Variants in TENM2 observed in about 807,000 individuals in gnomAD.
TENM2 encodes teneurin transmembrane protein 2.
In TENM2, 52 loss-of-function variants were observed where a neutral mutation model predicts 245.2. The ratio of observed to expected loss-of-function variants is 0.21; its 90% CI spans 0.17 to 0.27. The LOEUF (loss-of-function observed/expected upper bound fraction) is 0.27, where lower values mean the gene tolerates loss of function less well. TENM2 is among the 10% of genes least tolerant of loss of function. The pLI is 1.00. For missense variants in TENM2, 3,046 were observed against 3,666.8 expected (o/e 0.83, Z 4.37); for synonymous variants, 1,363 against 1,438.9 (o/e 0.95, Z 1.19).
In TENM2 at chr5:168,112,611, G is replaced by GT. The variant is rs1554199714; in HGVS notation, c.1814-5681_1814-5680insT. 3.1e-5 allele frequency among the ~76,000 whole-genome samples: 4 copies of GT among 129,144 alleles called. 1 individual carries two copies. The highest frequency in any genetic ancestry group is 1.1e-4 in the African/African-American group (4 of 34,854). 84.7% of individuals were successfully genotyped at this position (129,144 alleles called of 152,430 possible). A position where few individuals can be genotyped will look rare whatever the true frequency, so the allele number is the denominator to read the frequency against. On this transcript the variant is annotated intron_variant, in intron 9 of 28. Transcript: ENST00000518659. ...TGAATACAGTGTGCAGTGGGCGGGGGGGGGGTCAAACTTTATTACTTTTCT... is the reference window on the plus strand; with the variant it reads ...TGAATACAGTGTGCAGTGGGCGGGGGTGGGGGTCAAACTTTATTACTTTTCT...
the TENM2 span, among the ~76,000 whole-genome samples, chr5:167,255,073 C>CTTTTTTTTTTTTTT: frequency 1.6e-5 from 2 of 125,526 alleles, no homozygotes; most frequent in Non-Finnish European, 3.5e-5. Context: ...CTTTTCTTTT[C>CTTTTTTTTTTTTTT]TTTTTTTTTT....
chr5:167,775,424 T>C (rs950946051), intron 2 of TENM2, among the ~76,000 whole-genome samples: 4 of 152,214 alleles, frequency 2.6e-5, no homozygotes, highest in African/African-American at 9.6e-5. Flanking sequence ...GTCTCCAAAC[T>C]GCTGGTAATG....
chr5:168,216,962 G>GC, intron 22 of TENM2, 40 bp downstream of exon 24: 1 of 1,606,238 alleles, frequency 6.2e-7, no homozygotes, highest in Non-Finnish European at 8.5e-7. Flanking sequence ...AGCAACACCT[G>GC]CCCCTTGGCC....
In TENM2 at chr5:167,971,927, G is replaced by A. The variant is rs146062151; in HGVS notation, c.947+19105G>A. ...GCCAGCGCCTTCCACTATAAATGCC[G>A]GAGTGGGGCTGGAAGGCAGGCCTCT... On this transcript the variant is annotated intron_variant, in intron 4 of 28. Coordinates refer to ENST00000518659, the Ensembl canonical transcript of TENM2. Among the ~76,000 whole-genome samples the A allele has an allele frequency of 3.1e-3, 477 of 152,258 alleles. 2 individuals carry two copies. Among genetic ancestry groups the A allele is most frequent in the South Asian group, 0.022 (107 of 4,814 alleles).
chr5:167,917,957 GTGT>G (rs1166938826), intron 3 of TENM2, among the ~76,000 whole-genome samples: 1 of 152,068 alleles, frequency 6.6e-6, no homozygotes, highest in Non-Finnish European at 1.5e-5. Flanking sequence ...TTATTGGTTA[GTGT>G]TATTATTATA....
intron 2 of TENM2, among the ~76,000 whole-genome samples, chr5:167,776,641 CTATATA>C (rs10522774): frequency 0.78 from 90,322 of 115,560 alleles, 37,443 homozygotes; most frequent in Non-Finnish European, 0.88. Context: ...ATATATGTAT[CTATATA>C]TATATATATA....
chr5:167,493,607 G>A (rs1268689048), intron 2 of TENM2, among the ~76,000 whole-genome samples: 3 of 152,110 alleles, frequency 2.0e-5, no homozygotes, highest in Non-Finnish European at 4.4e-5. Flanking sequence ...AACAGTGAAT[G>A]AATGAAAGTA....
At chr5:167,405,658 G>A (rs977767569) in intron 2 of TENM2, among the ~76,000 whole-genome samples, 4 of 151,620 alleles carry the variant, frequency 2.6e-5, no homozygotes, top group Non-Finnish European at 5.9e-5. Context: ...AAAGCTCCAT[G>A]AGAACTGTTT....
At chr5:167,838,873 G>A (rs905909290) in intron 2 of TENM2, among the ~76,000 whole-genome samples, 17 of 152,204 alleles carry the variant, frequency 1.1e-4, no homozygotes, top group Admixed American at 3.9e-4. Context: ...CTTCTTTGAG[G>A]AAGTGTGGCT....
At chr5:168,253,301 A>C (rs1767303695) in intron 27 of TENM2, among the ~76,000 whole-genome samples, 1 of 151,820 alleles carries the variant, frequency 6.6e-6, no homozygotes, top group Non-Finnish European at 1.5e-5. Context: ...AATAGTAATG[A>C]TAATAATAGC....
intron 6 of TENM2, among the ~76,000 whole-genome samples, chr5:168,057,834 T>C (rs1789683619): frequency 6.6e-6 from 1 of 152,222 alleles, no homozygotes; most frequent in African/African-American, 2.4e-5. Flanking sequence ...TGTCAGGTTC[T>C]AACTGAGGTC....
At chr5:167,326,250 G>T (rs182407998) in intron 1 of TENM2, among the ~76,000 whole-genome samples, 221 of 152,300 alleles carry the variant, frequency 1.5e-3, no homozygotes, top group African/African-American at 5.1e-3. Flanking sequence ...GTCTTCTAGA[G>T]AACATAATTT....
intron 6 of TENM2, among the ~76,000 whole-genome samples, chr5:168,060,783 G>A (rs1281483380): frequency 6.6e-6 from 1 of 152,132 alleles, no homozygotes; most frequent in Admixed American, 6.5e-5. Context: ...GACCTTCAGA[G>A]ACCAAAAGTG....
At chr5:168,097,107 A>G (rs1489943837) in intron 8 of TENM2, among the ~76,000 whole-genome samples, 1 of 152,250 alleles carries the variant, frequency 6.6e-6, no homozygotes, top group East Asian at 1.9e-4. Context: ...TATTTAAAGA[A>G]TTCCAAAATC....
chr5:167,351,567 G>A (rs887120297), intron 1 of TENM2, among the ~76,000 whole-genome samples: 1 of 152,238 alleles, frequency 6.6e-6, no homozygotes, highest in African/African-American at 2.4e-5. Flanking sequence ...CCGGTGGACA[G>A]TTAGTTCTCT....
At chr5:167,841,297 T>TCTGCC (rs978892076) in intron 2 of TENM2, among the ~76,000 whole-genome samples, 1 of 152,218 alleles carries the variant, frequency 6.6e-6, no homozygotes, top group Middle Eastern at 3.2e-3. Flanking sequence ...CCTCAGGTGA[T>TCTGCC]CTGCCCGCCT....
intron 27 of TENM2, among the ~76,000 whole-genome samples, chr5:168,251,137 G>T (rs915339577): frequency 6.6e-6 from 1 of 152,114 alleles, no homozygotes; most frequent in East Asian, 1.9e-4. Flanking sequence ...AGCCTGGTTG[G>T]TATCAGACAC....
intron 3 of TENM2, among the ~76,000 whole-genome samples, chr5:167,923,387 G>A (rs1777518683): frequency 6.6e-6 from 1 of 151,710 alleles, no homozygotes; most frequent in African/African-American, 2.4e-5. Flanking sequence ...TATGATCCAA[G>A]CACACCACCT....
At chr5:167,254,732 T>C in the TENM2 span, among the ~76,000 whole-genome samples, 1 of 152,208 alleles carries the variant, frequency 6.6e-6, no homozygotes, top group African/African-American at 2.4e-5. Context: ...GAGTGTTGAA[T>C]TTAGATAAGG....
Sources: gnomAD v4.1 joint callset for allele counts (sites outside exome capture counted in the v4.1 genomes callset) on GRCh38, gnomAD v4.1.1 for gene constraint, MANE v1.5 for transcripts, NCBI Gene and HGNC (gene_info 2026-07-23, HGNC 2026-07-21) for gene names.